ATP1A4: variants seen among roughly 807,000 people sequenced by gnomAD.
The protein encoded by ATP1A4 is sodium/potassium-transporting ATPase subunit alpha-4.
ATP1A4 carries 90 observed loss-of-function variants against 114.3 expected under a neutral mutation model. The observed-to-expected ratio is 0.79, with a 90% confidence interval of 0.66 to 0.94. The LOEUF (loss-of-function observed/expected upper bound fraction) is 0.94, where lower values mean the gene tolerates loss of function less well. Among genes scored for constraint, ATP1A4 ranks in the 40% least tolerant of loss-of-function variants. ATP1A4 has a pLI of 0.00. For missense variants in ATP1A4, 1,222 were observed against 1,313.6 expected, an observed-to-expected ratio of 0.93 and a Z score of 1.08; for synonymous variants, 511 against 494.1, an observed-to-expected ratio of 1.03 and a Z score of -0.45.
rs536275618 is a variant in ATP1A4, at chr1:160,175,841, A to C, written c.2312-251A>C. On this transcript the variant is annotated intron_variant, in intron 15 of 21. Coordinates refer to ENST00000368081, the MANE Select transcript of ATP1A4 (RefSeq NM_144699.4). ...AAACATCGCAGGATTAACCAGGCCC[A>C]ACCCTGCTAATTTTCAGAGATCAGA... Among the ~76,000 whole-genome samples the C allele has an allele frequency of 2.5e-4, 38 of 152,278 alleles. 1 individual carries two copies. Among genetic ancestry groups the C allele is most frequent in the African/African-American group, 8.9e-4 (37 of 41,556 alleles).
chr1:160,163,684 G>A (rs909622867), intron 6 of ATP1A4, among the ~76,000 whole-genome samples: 1 of 152,084 alleles, frequency 6.6e-6, no homozygotes, highest in Non-Finnish European at 1.5e-5. Flanking sequence ...GTCCTTTGAG[G>A]TTTTTAATGG....
chr1:160,163,874 A>G (rs1358152002), intron 6 of ATP1A4, among the ~76,000 whole-genome samples: 1 of 152,058 alleles, frequency 6.6e-6, no homozygotes, highest in Non-Finnish European at 1.5e-5. Flanking sequence ...ACCCACCAAG[A>G]GTCACCTCAT....
Position 160,186,767 on chromosome 1 carries a change from T to C in ATP1A4, c.*68T>C, listed in dbSNP as rs1653909899. The C allele has an allele frequency of 1.3e-6, 2 of 1,490,650 alleles. No individual in the cohort carries two copies. The highest frequency in any genetic ancestry group is 2.3e-5 in the East Asian group (1 of 42,660). The allele number at this position is 1,490,650 out of a possible 1,614,324, so 92.3% of individuals were successfully genotyped here. On this transcript the variant is annotated 3_prime_UTR_variant, in exon 22 of 22. Transcript: ENST00000368081. The stretch of plus-strand genomic sequence containing the variant: ...AGAGCTGGGATGGGGCCAGAGATTA[T>C]AAGTTTGACACAACATCTGAGACAC...
At chr1:160,186,577 C>A in intron 21 of ATP1A4, 94 bp from the exon 22 acceptor site, 1 of 1,447,796 alleles carries the variant, frequency 6.9e-7, no homozygotes, top group African/African-American at 1.4e-5. Context: ...AGACCTCCCA[C>A]CTCCAACCTT....
rs368275981 is a variant in ATP1A4, at chr1:160,164,161, G to A, written c.784G>A (p.Ala262Thr). 48 of 1,613,784 alleles carry A rather than the reference G, an allele frequency of 3.0e-5. No homozygotes were observed. Among genetic ancestry groups the A allele is most frequent in the South Asian group, 5.5e-5 (5 of 91,068 alleles). Residue 262 changes from alanine to threonine, a missense_variant, in exon 7 of 22, where the codon GCC (alanine) becomes ACC (threonine). Coordinates refer to ENST00000368081, the MANE Select transcript of ATP1A4 (RefSeq NM_144699.4). ...CTCTCCTGCTTCATCCACAGGAACC[G>A]CCCGGGGTATTGTGATTGCTACGGG... ...FFSTNCVEGTARGIVIATGDS... is the reference protein window; with the variant it reads ...FFSTNCVEGTTRGIVIATGDS...
At chr1:160,177,752 A>G in intron 18 of ATP1A4, 88 bp downstream of exon 18, 1 of 1,485,080 alleles carries the variant, frequency 6.7e-7, no homozygotes, top group Non-Finnish European at 9.3e-7. Context: ...TTAAGAGAGA[A>G]GAAGGGAAGC....
At chr1:160,181,596 G>T in intron 18 of ATP1A4, 88 bp from the exon 19 acceptor site, 2 of 1,467,390 alleles carry the variant, frequency 1.4e-6, no homozygotes, top group South Asian at 1.3e-5. Context: ...ACTCAGCCCA[G>T]GGGTCCTGGA....
intron 10 of ATP1A4, among the ~76,000 whole-genome samples, chr1:160,168,664 G>A (rs764803539): frequency 9.2e-5 from 14 of 152,254 alleles, no homozygotes; most frequent in Non-Finnish European, 1.8e-4. Context: ...GATTACAGGC[G>A]TGAGCCACCA....
In ATP1A4 at chr1:160,177,644, G is replaced by A; in HGVS notation, c.2716G>A (p.Asp906Asn). 1.2e-6 allele frequency: 2 copies of A among 1,614,202 alleles called. No homozygotes were observed. Among genetic ancestry groups the A allele is most frequent in the South Asian group, 2.2e-5 (2 of 91,072 alleles). The change falls in exon 18 of 22, where the codon GAC (aspartate) becomes AAC (asparagine). Residue 906 changes from aspartate to asparagine, a missense_variant. Physicochemically the swap from Asp to Asn is conservative, Grantham distance 23. Transcript: ENST00000368081. ...WEDKYLNDLE[D>N]SYGQQWTYEQ... ...AGATAAATACTTGAATGACCTGGAG[G>A]ACAGCTACGGACAGCAGTGGGTGAG...
At position 160,171,445 on chromosome 1, in the gene ATP1A4, G is replaced by A; in HGVS notation, c.1681+5G>A. The stretch of plus-strand genomic sequence containing the variant: ...GTCTGGGGGAACGTGTGCTAGGTGA[G>A]GAGCTTTGGGAGAAGTTTTTAAAAG... On this transcript the variant is annotated splice_donor_5th_base_variant and intron_variant, in intron 11 of 21. Coordinates refer to ENST00000368081, the MANE Select transcript of ATP1A4 (RefSeq NM_144699.4). 1 of 1,611,274 alleles carries A rather than the reference G, an allele frequency of 6.2e-7. No individual in the cohort carries two copies. The highest frequency in any genetic ancestry group is 1.1e-5 in the South Asian group (1 of 90,938).
At chr1:160,174,897 A>G in intron 15 of ATP1A4, 150 bp downstream of exon 15, 1 of 1,204,116 alleles carries the variant, frequency 8.3e-7, no homozygotes, top group East Asian at 2.6e-5. Flanking sequence ...AATTTTGCAA[A>G]TTAGATCAGC....
chr1:160,175,151 G>T (rs556726810), intron 15 of ATP1A4, among the ~76,000 whole-genome samples: 3 of 152,168 alleles, frequency 2.0e-5, no homozygotes, highest in South Asian at 4.2e-4. Context: ...AAATAATGGT[G>T]ACACATCAGG....
At position 160,159,497 on chromosome 1, in the gene ATP1A4, TCTG is replaced by T; in HGVS notation, c.752_754del (p.Cys251del). The T allele has an allele frequency of 6.2e-7, 1 of 1,613,740 alleles. No homozygotes were observed. The highest frequency in any genetic ancestry group is 8.5e-7 in the Non-Finnish European group (1 of 1,179,826). ...GAGAACCCTCTGGAGACCCGAAACA[TCTG>T]CTTCTTTTCCACCAACTGTGTGGAA... On this transcript the variant is annotated inframe_deletion, in exon 6 of 22. Coordinates refer to ENST00000368081, the MANE Select transcript of ATP1A4 (RefSeq NM_144699.4).
chr1:160,174,791 T>C, intron 15 of ATP1A4, 44 bp downstream of exon 15: 1 of 1,611,400 alleles, frequency 6.2e-7, no homozygotes, highest in East Asian at 2.2e-5. Context: ...AACCCTGGAC[T>C]CAGGTGGGGG....
intron 15 of ATP1A4, among the ~76,000 whole-genome samples, 153 bp downstream of exon 15, chr1:160,174,900 A>G (rs1653408146): frequency 6.6e-6 from 1 of 152,226 alleles, no homozygotes; most frequent in African/African-American, 2.4e-5. Context: ...TTTGCAAATT[A>G]GATCAGCTGG....
rs145687175 is a variant in ATP1A4, at chr1:160,166,541, T to A, written c.1061T>A (p.Leu354His). Residue 354 changes from leucine to histidine, a missense_variant, in exon 8 of 22, where the codon CTC (leucine) becomes CAC (histidine). Transcript: ENST00000368081. Reference sequence around the variant, plus strand: ...TCTTGGCTTTAGGTGTGCCTGACCCTCACAGCCAAGCGCATGGCGCGGAAG... The same window carrying A: ...TCTTGGCTTTAGGTGTGCCTGACCCACACAGCCAAGCGCATGGCGCGGAAG... ...LLATVTVCLT[L>H]TAKRMARKNC... 2 of 1,614,252 alleles carry A rather than the reference T, an allele frequency of 1.2e-6. No individual in the cohort carries two copies. The highest frequency in any genetic ancestry group is 2.7e-5 in the African/African-American group (2 of 75,066).
intron 16 of ATP1A4, 115 bp from the exon 17 acceptor site, chr1:160,176,364 C>A: frequency 6.3e-6 from 10 of 1,583,640 alleles, no homozygotes; most frequent in Non-Finnish European, 7.8e-6. Flanking sequence ...CCAGCTCTCG[C>A]ACCTCCTGCA....
intron 2 of ATP1A4, among the ~76,000 whole-genome samples, chr1:160,153,995 G>A (rs1470802235): frequency 6.6e-6 from 1 of 152,096 alleles, no homozygotes; most frequent in Non-Finnish European, 1.5e-5. Flanking sequence ...ACAGGAAAAA[G>A]CACATAAGCT....
chr1:160,182,077 G>A (rs764415971), intron 20 of ATP1A4, 46 bp downstream of exon 20: 5 of 1,467,302 alleles, frequency 3.4e-6, no homozygotes, highest in Admixed American at 1.7e-5. Flanking sequence ...AGGCACGGGG[G>A]AGCATACAGA....
Sources: allele counts gnomAD v4.1 joint callset (sites outside exome capture counted in the v4.1 genomes callset), GRCh38; gene constraint gnomAD v4.1.1; transcripts MANE v1.5; gene names NCBI Gene and HGNC (gene_info 2026-07-23, HGNC 2026-07-21).